The following GRID2 variants were observed in gnomAD, a reference collection of about 807,000 sequenced individuals.
GRID2 encodes the protein glutamate receptor ionotropic, delta-2.
In GRID2, 33 loss-of-function variants were observed where a neutral mutation model predicts 114.8. The observed-to-expected ratio is 0.29, with a 90% CI of 0.22 to 0.38. The LOEUF is 0.38. Ranked by LOEUF, GRID2 falls within the 10% of genes least tolerant of loss-of-function variation. The pLI is 1.00. For missense variants in GRID2, 1,184 were observed against 1,257.7 expected (o/e 0.94, Z 0.89); for synonymous variants, 505 against 449.9 (o/e 1.12, Z -1.55).
intron 2 of GRID2, among the ~76,000 whole-genome samples, chr4:92,897,608 T>C (rs1310956435): frequency 6.6e-6 from 1 of 152,174 alleles, no homozygotes; most frequent in African/African-American, 2.4e-5. Flanking sequence ...AGAAAATCTT[T>C]CACTGCCAAA....
chr4:92,613,471 G>T (rs1431840957), intron 2 of GRID2, among the ~76,000 whole-genome samples: 3 of 151,448 alleles, frequency 2.0e-5, no homozygotes, highest in Non-Finnish European at 4.4e-5. Context: ...TTGTTTTCTA[G>T]AAGGCTTTGT....
intron 1 of GRID2, among the ~76,000 whole-genome samples, chr4:92,498,918 C>A (rs1177784529): frequency 1.2e-5 from 1 of 85,116 alleles, no homozygotes; most frequent in Non-Finnish European, 2.2e-5. Context: ...GAGACAAGAA[C>A]TTATTTAGGT....
chr4:93,487,575 A>G (rs552958042), intron 11 of GRID2, among the ~76,000 whole-genome samples: 7 of 151,958 alleles, frequency 4.6e-5, no homozygotes, highest in African/African-American at 1.7e-4. Flanking sequence ...TTGTTGTCTC[A>G]GTCCCACCCT....
chr4:92,890,716 G>A (rs1292762276), intron 2 of GRID2, among the ~76,000 whole-genome samples: 1 of 152,116 alleles, frequency 6.6e-6, no homozygotes, highest in African/African-American at 2.4e-5. Flanking sequence ...GATTCCTCAA[G>A]GATATAGAAC....
intron 2 of GRID2, among the ~76,000 whole-genome samples, chr4:93,062,061 C>T (rs559330531): frequency 1.3e-5 from 2 of 152,078 alleles, no homozygotes; most frequent in South Asian, 2.1e-4. Context: ...GGACATTGAC[C>T]CCTCCCAGGA....
At chr4:92,441,323 C>G (rs889360933) in intron 1 of GRID2, among the ~76,000 whole-genome samples, 4 of 152,114 alleles carry the variant, frequency 2.6e-5, no homozygotes, top group Non-Finnish European at 2.9e-5. Flanking sequence ...TGGGGGCTGT[C>G]TGTGAAGCTT....
chr4:92,650,437 T>C (rs185315986), intron 2 of GRID2, among the ~76,000 whole-genome samples: 1 of 152,228 alleles, frequency 6.6e-6, no homozygotes, highest in Non-Finnish European at 1.5e-5. Flanking sequence ...GTGATATTAC[T>C]AAGAGAAGTT....
chr4:93,161,529 T>C (rs1453879902), intron 4 of GRID2, among the ~76,000 whole-genome samples: 1 of 151,856 alleles, frequency 6.6e-6, no homozygotes, highest in African/African-American at 2.4e-5. Flanking sequence ...AGTTTTTAAA[T>C]AATTAGCTGT....
chr4:93,359,488 T>C (rs1176885429), intron 8 of GRID2, among the ~76,000 whole-genome samples: 1 of 151,678 alleles, frequency 6.6e-6, no homozygotes, highest in Non-Finnish European at 1.5e-5. Flanking sequence ...ATTGATTATA[T>C]TCACCCTGTT....
chr4:92,490,203 G>A (rs1345837974), intron 1 of GRID2, among the ~76,000 whole-genome samples: 2 of 152,176 alleles, frequency 1.3e-5, no homozygotes, highest in Admixed American at 6.5e-5. Flanking sequence ...TAATAAGATA[G>A]CAAATATATG....
chr4:93,685,753 T>C (rs1482325039), intron 14 of GRID2, among the ~76,000 whole-genome samples: 4 of 152,050 alleles, frequency 2.6e-5, no homozygotes, highest in African/African-American at 9.7e-5. Flanking sequence ...CTTATATCCA[T>C]GTGATAAGGG....
intron 1 of GRID2, among the ~76,000 whole-genome samples, chr4:92,404,153 C>A (rs1730922379): frequency 6.6e-6 from 1 of 152,132 alleles, no homozygotes; most frequent in Non-Finnish European, 1.5e-5. Context: ...TGTAGAAAAT[C>A]AATTTCTGCA....
At chr4:92,551,430 G>A (rs148059494) in intron 1 of GRID2, among the ~76,000 whole-genome samples, 53 of 152,198 alleles carry the variant, frequency 3.5e-4, no homozygotes, top group Non-Finnish European at 5.3e-4. Flanking sequence ...TCCCTTAGTT[G>A]CCTGTAGCAT....
At chr4:93,617,118 A>C (rs1741755180) in intron 13 of GRID2, among the ~76,000 whole-genome samples, 1 of 152,250 alleles carries the variant, frequency 6.6e-6, no homozygotes, top group Admixed American at 6.5e-5. Flanking sequence ...TACTGCAGAA[A>C]ACATTCAAGT....
intron 12 of GRID2, among the ~76,000 whole-genome samples, chr4:93,512,221 T>C (rs1729263377): frequency 6.6e-6 from 1 of 152,264 alleles, no homozygotes; most frequent in East Asian, 1.9e-4. Flanking sequence ...TTTAAAACAA[T>C]GATTAGGCAT....
chr4:92,398,271 A>C, intron 1 of GRID2, among the ~76,000 whole-genome samples: 1 of 152,238 alleles, frequency 6.6e-6, no homozygotes, highest in South Asian at 2.1e-4. Flanking sequence ...GTATCAAATC[A>C]ATCATTTATT....
chr4:93,804,560 G>A (rs1734995870), intron 1 of GRID2, among the ~76,000 whole-genome samples: 1 of 152,158 alleles, frequency 6.6e-6, no homozygotes, highest in Non-Finnish European at 1.5e-5. Flanking sequence ...TATTATATAT[G>A]CAGTCTGTCA....
intron 8 of GRID2, among the ~76,000 whole-genome samples, chr4:93,321,126 C>T (rs1257407018): frequency 1.3e-5 from 2 of 151,938 alleles, no homozygotes; most frequent in African/African-American, 4.8e-5. Flanking sequence ...GTTTTCCTCA[C>T]CTGAAGCCAT....
chr4:92,999,276 T>C lies in GRID2; in HGVS notation c.245-85719T>C, dbSNP rs190504127. Among the ~76,000 whole-genome samples, 3 of 151,958 alleles carry C rather than the reference T, an allele frequency of 2.0e-5. No individual in the cohort carries two copies. The East Asian group carries it at 5.8e-4, about 29-fold the overall frequency. On this transcript the variant is annotated intron_variant, in intron 2 of 15. Transcript: ENST00000282020. Reference sequence around the variant, plus strand: ...TAATTGCACCATGTATAGAACTTTGTCTTCATTTATTAATTAATTTATCAA... The same window carrying C: ...TAATTGCACCATGTATAGAACTTTGCCTTCATTTATTAATTAATTTATCAA...
Sources: gnomAD v4.1 joint callset for allele counts (sites outside exome capture counted in the v4.1 genomes callset) on GRCh38, gnomAD v4.1.1 for gene constraint, MANE v1.5 for transcripts, NCBI Gene and HGNC (gene_info 2026-07-23, HGNC 2026-07-21) for gene names.